The following STK24 variants were observed in gnomAD, a reference collection of about 807,000 sequenced individuals.
STK24 encodes the protein serine/threonine kinase 24.
STK24 carries 21 observed loss-of-function variants against 55.6 expected under a neutral mutation model. The observed-to-expected ratio is 0.38, with a 90% CI of 0.27 to 0.54. The LOEUF (loss-of-function observed/expected upper bound fraction) is 0.54, where lower values mean the gene tolerates loss of function less well. Among genes scored for constraint, STK24 ranks in the 20% least tolerant of loss-of-function variants. The pLI is 0.79. For missense variants in STK24, 383 were observed against 538.4 expected (o/e 0.71, Z 2.86); for synonymous variants, 200 against 215.2 (o/e 0.93, Z 0.62).
At chr13:98,511,628 C>T (rs1386081286) in intron 2 of STK24, among the ~76,000 whole-genome samples, 4 of 152,222 alleles carry the variant, frequency 2.6e-5, no homozygotes, top group African/African-American at 7.2e-5. Context: ...ACAAGTGACA[C>T]ATGCATGAAC....
intron 4 of STK24, 74 bp from the exon 5 acceptor site, chr13:98,475,052 TC>T: frequency 6.6e-7 from 1 of 1,517,072 alleles, no homozygotes; most frequent in South Asian, 1.3e-5. Context: ...GCGCGTCTTC[TC>T]CCTGGCTGGG....
chr13:98,553,448 A>C (rs1897205827), intron 1 of STK24: 1 of 156,688 alleles, frequency 6.4e-6, no homozygotes, highest in South Asian at 2.1e-4. Context: ...CAGGCCTGTC[A>C]GGAAGAGAAA....
intron 8 of STK24, 66 bp downstream of exon 8, chr13:98,461,708 A>G: frequency 6.3e-7 from 1 of 1,590,918 alleles, no homozygotes; most frequent in African/African-American, 1.3e-5. Flanking sequence ...CAAGCTTCAC[A>G]CACAAGTGCC....
rs563877175 is a variant in STK24, at chr13:98,460,204, C to T, written c.1122+168G>A. On this transcript the variant is annotated intron_variant, in intron 9 of 10. Transcript: ENST00000539966. ...TGGGCATCACCCAGGACAGGGGAGGCGCAAGGTGGTGCTGACAGCCTTTGG... is the reference window on the plus strand; with the variant it reads ...TGGGCATCACCCAGGACAGGGGAGGTGCAAGGTGGTGCTGACAGCCTTTGG... Among the ~76,000 whole-genome samples, 336 of 55,490 alleles carry T rather than the reference C, an allele frequency of 6.1e-3. 4 individuals are homozygous for T. The highest frequency in any genetic ancestry group is 0.013 in the African/African-American group (317 of 25,038). 36.4% of individuals were successfully genotyped at this position (55,490 alleles called of 152,430 possible).
intron 7 of STK24, 64 bp downstream of exon 7, chr13:98,463,623 CCAAA>C: frequency 1.3e-6 from 2 of 1,507,454 alleles, no homozygotes; most frequent in Non-Finnish European, 8.9e-7. Context: ...GAAACCCACA[CCAAA>C]CAGTGACAAA....
intron 2 of STK24, among the ~76,000 whole-genome samples, chr13:98,484,637 C>A (rs1479540833): frequency 2.0e-5 from 3 of 152,192 alleles, no homozygotes; most frequent in East Asian, 3.9e-4. Context: ...CTCAATCTGA[C>A]CACGAAGGTA....
intron 1 of STK24, among the ~76,000 whole-genome samples, chr13:98,550,039 T>C (rs1194199499): frequency 1.3e-5 from 2 of 152,230 alleles, no homozygotes. Context: ...AGGTGGGTCG[T>C]CTGCAGCATA....
chr13:98,449,319 A>G lies in STK24; in HGVS notation c.*3854T>C, dbSNP rs1186523907. On this transcript the variant is annotated 3_prime_UTR_variant, in exon 11 of 11. Coordinates refer to ENST00000539966, the MANE Select transcript of STK24 (RefSeq NM_001032296.4). ...AGTAGTATATATCGTGCCTGTCTTCAAAAACATTTCCCTTTTTATACTCAT... is the reference window on the plus strand; with the variant it reads ...AGTAGTATATATCGTGCCTGTCTTCGAAAACATTTCCCTTTTTATACTCAT... 2.6e-5 allele frequency: 4 copies of G among 152,198 alleles called. No homozygotes were observed. The highest frequency in any genetic ancestry group is 9.7e-5 in the African/African-American group (4 of 41,432). 9.4% of individuals were successfully genotyped at this position (152,198 alleles called of 1,614,324 possible). A position where few individuals can be genotyped will look rare whatever the true frequency, so the allele number is the denominator to read the frequency against.
At chr13:98,500,232 T>A (rs1895400235) in intron 2 of STK24, among the ~76,000 whole-genome samples, 2 of 152,228 alleles carry the variant, frequency 1.3e-5, no homozygotes, top group Admixed American at 1.3e-4. Context: ...AAGAAATGCA[T>A]TTCAACCACA....
intron 10 of STK24, chr13:98,454,296 A>C (rs1893346668): frequency 6.6e-6 from 1 of 152,234 alleles, no homozygotes; most frequent in South Asian, 2.1e-4. Context: ...TCAGAAGACA[A>C]CAAAGGGTGA....
chr13:98,487,599 C>T (rs1894855608), intron 2 of STK24, among the ~76,000 whole-genome samples: 1 of 152,130 alleles, frequency 6.6e-6, no homozygotes, highest in South Asian at 2.1e-4. Flanking sequence ...CAAAACTTTA[C>T]CCCCCTTTTA....
intron 1 of STK24, among the ~76,000 whole-genome samples, chr13:98,537,972 G>A (rs1382772741): frequency 1.3e-5 from 2 of 152,118 alleles, no homozygotes; most frequent in African/African-American, 4.8e-5. Context: ...CAGCTGCTCC[G>A]CTCGGGGTGC....
intron 2 of STK24, among the ~76,000 whole-genome samples, chr13:98,494,561 GC>G (rs1266529296): frequency 6.6e-6 from 1 of 152,116 alleles, no homozygotes; most frequent in Non-Finnish European, 1.5e-5. Context: ...TTAACCCCAA[GC>G]TAAACAGCTT....
chr13:98,506,470 C>G (rs1322896245), intron 2 of STK24, among the ~76,000 whole-genome samples: 1 of 152,146 alleles, frequency 6.6e-6, no homozygotes, highest in African/African-American at 2.4e-5. Context: ...ACCACAAAAC[C>G]AAAACGAGGC....
chr13:98,531,888 G>A (rs1896589017), intron 1 of STK24, among the ~76,000 whole-genome samples: 1 of 152,134 alleles, frequency 6.6e-6, no homozygotes, highest in African/African-American at 2.4e-5. Flanking sequence ...AGACGCTCGT[G>A]GGAACTATTT....
chr13:98,476,246 C>CCG (rs1438890730), intron 3 of STK24, among the ~76,000 whole-genome samples: 2 of 138,892 alleles, frequency 1.4e-5, no homozygotes, highest in Non-Finnish European at 3.0e-5. Flanking sequence ...GGAAGCCCCC[C>CCG]CCCGCCCCCT....
chr13:98,561,551 C>T (rs56755268), intron 1 of STK24, among the ~76,000 whole-genome samples: 1 of 84,908 alleles, frequency 1.2e-5, no homozygotes, highest in Non-Finnish European at 3.2e-5. Context: ...CACTGTACTC[C>T]AGCTAGGGCA....
Position 98,474,996 on chromosome 13 carries a change from G to A in STK24, c.440-18C>T, listed in dbSNP as rs776202237. 1 of 1,596,084 alleles carries A rather than the reference G, an allele frequency of 6.3e-7. No individual in the cohort carries two copies. The highest frequency in any genetic ancestry group is 8.5e-7 in the Non-Finnish European group (1 of 1,171,852). On this transcript the variant is annotated intron_variant, in intron 4 of 10. Coordinates refer to ENST00000539966, the MANE Select transcript of STK24 (RefSeq NM_001032296.4). ...GTTGGCCGCTGCAAAAGAAAGCCAA[G>A]GCGGCCCTGGGCGGTGCGGACTTAC...
Position 98,446,400 on chromosome 13 carries a change from G to A in STK24, c.*6773C>T. On this transcript the variant is annotated 3_prime_UTR_variant, in exon 11 of 11. Transcript: ENST00000539966. ...AAGACTGACATTATCATCCACTGAAGGACAACTTCTGCCCTAGGAAGGGCC... is the reference window on the plus strand; with the variant it reads ...AAGACTGACATTATCATCCACTGAAAGACAACTTCTGCCCTAGGAAGGGCC... 1.7e-6 allele frequency: 1 copy of A among 601,682 alleles called. No individual in the cohort carries two copies. The highest frequency in any genetic ancestry group is 3.0e-6 in the Non-Finnish European group (1 of 338,814). 37.3% of individuals were successfully genotyped at this position (601,682 alleles called of 1,614,324 possible). A position where few individuals can be genotyped will look rare whatever the true frequency, so the allele number is the denominator to read the frequency against.
Sources: gnomAD v4.1 joint callset for allele counts (sites outside exome capture counted in the v4.1 genomes callset) on GRCh38, gnomAD v4.1.1 for gene constraint, MANE v1.5 for transcripts, NCBI Gene and HGNC (gene_info 2026-07-23, HGNC 2026-07-21) for gene names.